The following PIGA variants were observed in gnomAD, a reference collection of about 807,000 sequenced individuals.
PIGA encodes the protein phosphatidylinositol glycan anchor biosynthesis class A.
A neutral mutation model predicts 17.1 loss-of-function variants in PIGA; 3 were observed. That is an observed-to-expected ratio of 0.18 (90% CI 0.08 to 0.45). PIGA has a LOEUF of 0.45. Among genes scored for constraint, PIGA ranks in the 20% least tolerant of loss-of-function variants. The pLI, the probability that PIGA is intolerant of heterozygous loss-of-function variation, is 0.99. For missense variants in PIGA, 231 were observed against 374.1 expected (o/e 0.62, Z 3.16); for synonymous variants, 126 against 135.1 (o/e 0.93, Z 0.47).
In PIGA at chrX:15,331,681, T is replaced by C. The variant is rs768321389; in HGVS notation, c.250A>G (p.Thr84Ala). 2 of 1,211,533 alleles carry C rather than the reference T, an allele frequency of 1.7e-6. No individual in the cohort carries two copies. Among genetic ancestry groups the C allele is most frequent in the Admixed American group, 2.2e-5 (1 of 46,087 alleles). The change falls in exon 2 of 6, where the codon ACC (threonine) becomes GCC (alanine). Residue 84 changes from threonine to alanine, a missense_variant. Thr to Ala is a moderately conservative substitution (Grantham distance 58). Around this residue, in one of 5 missense-constraint regions of PIGA, gnomAD observed 29 missense variants for 36.6 expected, o/e 0.79. Transcript: ENST00000333590. ...YGNRKGIRYLTSGLKVYYLPL... is the reference protein window; with the variant it reads ...YGNRKGIRYLASGLKVYYLPL... Reference sequence around the variant, plus strand: ...AAGTAATAGACTTTGAGGCCACTGGTGAGGTAACGGATGCCTTTTCGATTT... The same window carrying C: ...AAGTAATAGACTTTGAGGCCACTGGCGAGGTAACGGATGCCTTTTCGATTT...
chrX:15,335,521 A>G lies in PIGA; in HGVS notation c.-83T>C, dbSNP rs1948625623. On this transcript the variant is annotated 5_prime_UTR_variant, in exon 1 of 6. Transcript: ENST00000333590. ...CTCACCGGTGAGTTCCATGGCCGCC[A>G]GTGTCCGGACCTCCCGCGGCTGCAG... The G allele has an allele frequency of 1.0e-6, 1 of 976,765 alleles. No homozygotes were observed. Among genetic ancestry groups the G allele is most frequent in the Non-Finnish European group, 1.3e-6 (1 of 776,065 alleles). 80.5% of individuals were successfully genotyped at this position (976,765 alleles called of 1,213,427 possible). A position where few individuals can be genotyped will look rare whatever the true frequency, so the allele number is the denominator to read the frequency against.
In PIGA at chrX:15,331,840, G is replaced by C; in HGVS notation, c.91C>G (p.Arg31Gly). 2 of 1,211,766 alleles carry C rather than the reference G, an allele frequency of 1.7e-6. No homozygotes were observed. The highest frequency in any genetic ancestry group is 2.2e-6 in the Non-Finnish European group (2 of 895,417). ...SPGSLYTCRT[R>G]THNICMVSDF... ...GATACCATGCATATATTATGGGTAC[G>C]GGTTCTACATGTGTAAAGACTTCCA... The change falls in exon 2 of 6, where the codon CGT (arginine) becomes GGT (glycine). Residue 31 changes from arginine to glycine, a missense_variant. By Grantham distance (125) the Arg-to-Gly change is moderately radical. Coordinates refer to ENST00000333590, the MANE Select transcript of PIGA (RefSeq NM_002641.4).
intron 1 of PIGA, among the ~76,000 whole-genome samples, chrX:15,333,599 T>G (rs921768289): frequency 9.8e-5 from 11 of 112,088 alleles, no homozygotes; most frequent in African/African-American, 3.2e-4. Flanking sequence ...GAGAACCGCT[T>G]GAACCCGGGA....
chrX:15,322,221 C>T (rs1193347046), intron 5 of PIGA, among the ~76,000 whole-genome samples: 2 of 111,453 alleles, frequency 1.8e-5, no homozygotes, highest in Non-Finnish European at 3.8e-5. Flanking sequence ...ATGCTCTCAC[C>T]GGCATCTGGC....
At chrX:15,323,687 T>A (rs1921885077) in intron 5 of PIGA, among the ~76,000 whole-genome samples, 1 of 111,806 alleles carries the variant, frequency 8.9e-6, no homozygotes, top group Non-Finnish European at 1.9e-5. Context: ...CACATATGAG[T>A]TCATCTTATA....
rs781217221 is a variant in PIGA at position 15,326,073 on chromosome X, G to T, written c.716-27C>A. ...TGAAAATATAAAGTTGAATGTTGGA[G>T]ATATTAATATTTAAACTTAAAAAAA... On this transcript the variant is annotated intron_variant, in intron 2 of 5. Coordinates refer to ENST00000333590, the MANE Select transcript of PIGA (RefSeq NM_002641.4). 4.6e-5 allele frequency: 47 copies of T among 1,023,769 alleles called. No homozygotes were observed. In the South Asian group the frequency reaches 1.1e-3, roughly 23 times the overall value. 84.4% of individuals were successfully genotyped at this position (1,023,769 alleles called of 1,213,427 possible). A position where few individuals can be genotyped will look rare whatever the true frequency, so the allele number is the denominator to read the frequency against.
In PIGA at chrX:15,321,796, G is replaced by A. The variant is rs760770680; in HGVS notation, c.1189-24C>T. 1.3e-5 allele frequency: 16 copies of A among 1,190,700 alleles called. No individual in the cohort carries two copies. In the African/African-American group the frequency reaches 2.8e-4, roughly 21 times the overall value. ...ACCTGGAGGGAGAGAAGCCAAGTGT[G>A]AGCACTTTCACCCATCACCCCATCA... On this transcript the variant is annotated intron_variant, in intron 5 of 5. Coordinates refer to ENST00000333590, the MANE Select transcript of PIGA (RefSeq NM_002641.4).
intron 5 of PIGA, among the ~76,000 whole-genome samples, chrX:15,322,373 T>G (rs897655586): frequency 1.8e-5 from 2 of 111,681 alleles, no homozygotes; most frequent in Non-Finnish European, 3.8e-5. Flanking sequence ...GGATTTCAAA[T>G]AAAAGAAGAT....
At chrX:15,335,398 G>A in intron 1 of PIGA, 103 bp downstream of exon 1, 1 of 776,106 alleles carries the variant, frequency 1.3e-6, no homozygotes. Flanking sequence ...GAACCGGGTC[G>A]GTTTCACCCC....
intron 2 of PIGA, chrX:15,328,657 G>A (rs1029704686): frequency 5.4e-5 from 6 of 111,994 alleles, no homozygotes; most frequent in Admixed American, 1.9e-4. Flanking sequence ...GGCATCTGGA[G>A]AGGGTTCGAT....
intron 1 of PIGA, among the ~76,000 whole-genome samples, chrX:15,335,163 T>C (rs1213033454): frequency 8.9e-6 from 1 of 112,232 alleles, no homozygotes; most frequent in Non-Finnish European, 1.9e-5. Context: ...AAGGAGGGGA[T>C]ACCCCTGCTC....
chrX:15,324,166 A>G (rs1569178192), intron 5 of PIGA, among the ~76,000 whole-genome samples: 1 of 112,370 alleles, frequency 8.9e-6, no homozygotes, highest in Non-Finnish European at 1.9e-5. Context: ...TATGTTCTCA[A>G]TCAGCCCAAA....
intron 1 of PIGA, among the ~76,000 whole-genome samples, chrX:15,333,057 G>A (rs930824494): frequency 8.9e-6 from 1 of 112,008 alleles, no homozygotes; most frequent in Non-Finnish European, 1.9e-5. Context: ...CTGGTCCACT[G>A]CCTGTTTTTG....
chrX:15,322,695 C>T (rs1156242663), intron 5 of PIGA, among the ~76,000 whole-genome samples: 3 of 111,644 alleles, frequency 2.7e-5, no homozygotes, highest in African/African-American at 9.8e-5. Context: ...TTGAAAGGTA[C>T]GGCATGTTTT....
intron 2 of PIGA, 26 bp downstream of exon 2, chrX:15,331,190 T>G (rs775119170): frequency 2.5e-5 from 27 of 1,089,005 alleles, no homozygotes; most frequent in Non-Finnish European, 3.0e-5. Flanking sequence ...AAGTCTACAA[T>G]GCAATTATAG....
chrX:15,330,322 AAT>A (rs995416290), intron 2 of PIGA, among the ~76,000 whole-genome samples: 5 of 111,808 alleles, frequency 4.5e-5, no homozygotes, highest in African/African-American at 1.6e-4. Context: ...CTTACCTGCC[AAT>A]ATGTTACTAA....
chrX:15,331,011 G>T, intron 2 of PIGA: 2 of 376,561 alleles, frequency 5.3e-6, no homozygotes, highest in Non-Finnish European at 9.2e-6. Flanking sequence ...AAACATCAAA[G>T]GTTGGGGGAC....
intron 2 of PIGA, chrX:15,330,984 A>G: frequency 3.1e-6 from 1 of 325,636 alleles, no homozygotes; most frequent in Non-Finnish European, 5.3e-6. Flanking sequence ...GGTTATTCTT[A>G]TTTTTAGTAA....
intron 3 of PIGA, 21 bp from the exon 4 acceptor site, chrX:15,325,173 G>A: frequency 2.6e-6 from 3 of 1,152,462 alleles, no homozygotes; most frequent in Non-Finnish European, 2.3e-6. Context: ...AAATGAGAGG[G>A]GAAGAAAGGA....
Sources: allele counts gnomAD v4.1 joint callset (sites outside exome capture counted in the v4.1 genomes callset), GRCh38; gene constraint gnomAD v4.1.1; regional missense constraint gnomAD v4.1.1; transcripts MANE v1.5; gene names NCBI Gene and HGNC (gene_info 2026-07-23, HGNC 2026-07-21).